The following AGAP2 variants were observed in gnomAD, a reference collection of about 807,000 sequenced individuals.
AGAP2 encodes arf-GAP with GTPase, ANK repeat and PH domain-containing protein 2.
A neutral mutation model predicts 110.9 loss-of-function variants in AGAP2; 32 were observed. The observed-to-expected ratio is 0.29, with a 90% confidence interval of 0.22 to 0.39. AGAP2 has a LOEUF of 0.39. AGAP2 is among the 10% of genes least tolerant of loss of function. The pLI is 1.00. For missense variants in AGAP2, 1,285 were observed against 1,638.5 expected, an observed-to-expected ratio of 0.78 and a Z score of 3.72; for synonymous variants, 702 against 713.0, an observed-to-expected ratio of 0.98 and a Z score of 0.25.
At chr12:57,741,980 T>C, upstream of AGAP2, 1 of 1,614,170 alleles carries the variant, frequency 6.2e-7, no homozygotes. Flanking sequence ...CTCTGCCAGC[T>C]TCCTGAGGCG....
chr12:57,729,441 G>C (rs955191337), intron 13 of AGAP2, among the ~76,000 whole-genome samples, 198 bp downstream of exon 13: 3 of 151,774 alleles, frequency 2.0e-5, no homozygotes, highest in Non-Finnish European at 4.4e-5. Context: ...CTGGGGAAAG[G>C]AATTAGCTGG....
intron 1 of AGAP2, among the ~76,000 whole-genome samples, chr12:57,735,941 C>T (rs1482531461): frequency 2.0e-5 from 3 of 152,144 alleles, no homozygotes; most frequent in African/African-American, 4.8e-5. Flanking sequence ...TAGCCCTGGA[C>T]CCCTCCCCAC....
chr12:57,732,764 A>C (rs1954910530), intron 6 of AGAP2, 81 bp downstream of exon 6: 2 of 1,580,158 alleles, frequency 1.3e-6, no homozygotes, highest in Non-Finnish European at 1.7e-6. Context: ...TCACAGAGAG[A>C]GGCCTGGATG....
upstream of AGAP2, among the ~76,000 whole-genome samples, chr12:57,739,416 G>A (rs1189433576): frequency 1.3e-5 from 2 of 152,160 alleles, no homozygotes; most frequent in African/African-American, 2.4e-5. Flanking sequence ...CAAGACTTGA[G>A]CTCGACTGTC....
chr12:57,741,768 T>C (rs1014065479), upstream of AGAP2: 13 of 952,898 alleles, frequency 1.4e-5, no homozygotes, highest in Non-Finnish European at 2.1e-5. Context: ...TCTTTTTCCA[T>C]CCTCCCTAAA....
upstream of AGAP2, among the ~76,000 whole-genome samples, chr12:57,741,613 G>A (rs138534554): frequency 3.6e-4 from 55 of 152,272 alleles, no homozygotes; most frequent in South Asian, 3.5e-3. Context: ...CAGGGAACAA[G>A]TCTACCATGA....
intron 12 of AGAP2, among the ~76,000 whole-genome samples, chr12:57,730,150 GCTGA>G (rs903247733): frequency 4.0e-5 from 6 of 151,890 alleles, no homozygotes; most frequent in Admixed American, 6.6e-5. Context: ...GTCAAACATG[GCTGA>G]CTATGTACTA....
chr12:57,737,268 C>T lies in AGAP2; in HGVS notation c.979G>A (p.Gly327Arg). ...PPITLEPPAP[G>R]LKRGREGGRA... ...CCCCCCTCCCGGCCCCGTTTCAGCC[C>T]CGGAGCTGGAGGCTCCAGAGTGATT... Residue 327 changes from glycine to arginine, a missense_variant, in exon 1 of 19, where the codon GGG becomes AGG. Physicochemically the swap from Gly to Arg is moderately radical, Grantham distance 125. Transcript: ENST00000547588. The surrounding 1 kb of genome is among the most constrained non-coding windows in gnomAD (Gnocchi z 5.9). 1 of 1,613,284 alleles carries T rather than the reference C, an allele frequency of 6.2e-7. No homozygotes were observed. Among genetic ancestry groups the T allele is most frequent in the Non-Finnish European group, 8.5e-7 (1 of 1,179,752 alleles).
chr12:57,741,859 A>G (rs1171285846), upstream of AGAP2: 14 of 1,587,048 alleles, frequency 8.8e-6, no homozygotes, highest in Admixed American at 2.1e-4. Context: ...TAAACCTTCT[A>G]TGCACCTGCT....
intron 2 of AGAP2, among the ~76,000 whole-genome samples, chr12:57,735,004 G>GTC (rs941035373): frequency 6.6e-6 from 1 of 151,498 alleles, no homozygotes. Context: ...GTGTGTGTGT[G>GTC]TCTCTGTGTG....
Position 57,727,368 on chromosome 12 carries a change from G to C in AGAP2, c.3072C>G (p.Asp1024Glu). ...TGTTCCCTCACGCTTACCGCGAAGA[G>C]TCCCGCGAGGGCTTGGCACGGCCTC... ...DTRGRAKPSR[D>E]SSREERESWI... Residue 1024 changes from aspartate to glutamate, a missense_variant, in exon 17 of 19, where the codon GAC (aspartate) becomes GAG (glutamate). Asp to Glu is a conservative substitution (Grantham distance 45). This residue lies in a region of AGAP2 where 201 missense variants were observed against 276.1 expected (regional missense o/e 0.73). Coordinates refer to ENST00000547588, the MANE Select transcript of AGAP2 (RefSeq NM_001122772.3). 2.5e-6 allele frequency: 4 copies of C among 1,610,516 alleles called. No homozygotes were observed. Among genetic ancestry groups the C allele is most frequent in the Non-Finnish European group, 3.4e-6 (4 of 1,178,766 alleles).
In AGAP2 at chr12:57,727,780, AG is replaced by A. The variant is rs1452507589; in HGVS notation, c.2767-10del. On this transcript the variant is annotated splice_polypyrimidine_tract_variant and intron_variant, in intron 15 of 18. Transcript: ENST00000547588. ...TGGCTGTCTGTGCGCAGCTGCAGAG[AG>A]GGTTTGGGTTGGCACTGACTCTGCC... The A allele has an allele frequency of 6.3e-7, 1 of 1,575,220 alleles. No individual in the cohort carries two copies. Among genetic ancestry groups the A allele is most frequent in the South Asian group, 1.2e-5 (1 of 83,948 alleles).
chr12:57,730,746 CAG>C, intron 11 of AGAP2, 43 bp downstream of exon 11: 5 of 1,611,322 alleles, frequency 3.1e-6, no homozygotes, highest in Non-Finnish European at 4.2e-6. Flanking sequence ...TCTTTTTCCC[CAG>C]CCCTGGCCCC....
rs1478464066 is a variant in AGAP2 at position 57,731,602 on chromosome 12, C to A, written c.1994G>T (p.Ser665Ile). 1 of 1,614,032 alleles carries A rather than the reference C, an allele frequency of 6.2e-7. No individual in the cohort carries two copies. The highest frequency in any genetic ancestry group is 8.5e-7 in the Non-Finnish European group (1 of 1,180,056). The change falls in exon 9 of 19, where the codon AGT (serine) becomes ATT (isoleucine). Residue 665 changes from serine (S) to isoleucine (I), a missense_variant. By Grantham distance (142) the Ser-to-Ile change is moderately radical (BLOSUM62 -2). Around this residue, in one of 7 missense-constraint regions of AGAP2, gnomAD observed 844 missense variants for 941.2 expected, o/e 0.90. Transcript: ENST00000547588. ...GSDSEKRSLDSRGETTGSGRA... is the reference protein window; with the variant it reads ...GSDSEKRSLDIRGETTGSGRA... ...CCCACTCCCTGTTGTCTCTCCCCGA[C>A]TATCCAAGCTTCGTTTCTCGGAGTC...
chr12:57,726,425 G>T lies in AGAP2; in HGVS notation c.*127C>A. The T allele has an allele frequency of 1.0e-6, 1 of 967,128 alleles. No individual in the cohort carries two copies. The highest frequency in any genetic ancestry group is 1.3e-6 in the Non-Finnish European group (1 of 774,964). 59.9% of individuals were successfully genotyped at this position (967,128 alleles called of 1,614,324 possible). A position where few individuals can be genotyped will look rare whatever the true frequency, so the allele number is the denominator to read the frequency against. On this transcript the variant is annotated 3_prime_UTR_variant, in exon 19 of 19. Transcript: ENST00000547588. This position sits in a 1 kb window ranked among gnomAD's most constrained non-coding sequence, Gnocchi z 5.7. The stretch of plus-strand genomic sequence containing the variant: ...GGCGTGGGGGCTGTGCCCTCGTGGG[G>T]GTAGGAAGTGCTCCCGTGGGGCGGG...
rs1322189643 is a variant in AGAP2 at position 57,726,925 on chromosome 12, T to C, written c.3336+49A>G. 8 of 1,500,222 alleles carry C rather than the reference T, an allele frequency of 5.3e-6. No individual in the cohort carries two copies. Among genetic ancestry groups the C allele is most frequent in the Non-Finnish European group, 7.1e-6 (8 of 1,130,210 alleles). The allele number at this position is 1,500,222 out of a possible 1,614,324, so 92.9% of individuals were successfully genotyped here. A position where few individuals can be genotyped will look rare whatever the true frequency, so the allele number is the denominator to read the frequency against. On this transcript the variant is annotated intron_variant, in intron 18 of 18. Coordinates refer to ENST00000547588, the MANE Select transcript of AGAP2 (RefSeq NM_001122772.3). This position sits in a 1 kb window ranked among gnomAD's most constrained non-coding sequence, Gnocchi z 5.7. ...TCGGGCTTTCCCGCGCCAGGCGTTT[T>C]CCGAGATGAAGCCTCAAAGACCCCC...
At position 57,737,592 on chromosome 12, in the gene AGAP2, G is replaced by A. The variant is rs755312661; in HGVS notation, c.655C>T (p.Pro219Ser). Residue 219 changes from proline to serine, a missense_variant, in exon 1 of 19, where the codon CCC becomes TCC. This residue lies in a region of AGAP2 where 844 missense variants were observed against 941.2 expected (regional missense o/e 0.90). Transcript: ENST00000547588. The surrounding 1 kb of genome is among the most constrained non-coding windows in gnomAD (Gnocchi z 5.9). ...RLSWPESEGK[P>S]RVKGSKSSAG... ...CTGCTCTTTGACCCCTTGACCCTGG[G>A]CTTGCCCTCGCTTTCGGGCCATGAC... 5.6e-5 allele frequency: 87 copies of A among 1,547,922 alleles called. No homozygotes were observed. The highest frequency in any genetic ancestry group is 7.1e-5 in the Non-Finnish European group (82 of 1,146,854).
intron 2 of AGAP2, among the ~76,000 whole-genome samples, chr12:57,735,047 C>T (rs1165263399): frequency 6.6e-6 from 1 of 151,298 alleles, no homozygotes; most frequent in Non-Finnish European, 1.5e-5. Context: ...GCTCTAGGCA[C>T]TAGTTGGAAA....
chr12:57,725,814 C>T lies in AGAP2; in HGVS notation c.*738G>A, dbSNP rs975797053. On this transcript the variant is annotated 3_prime_UTR_variant, in exon 19 of 19. Transcript: ENST00000547588. ...CAATAAATTACAAGGCCCCCGCAGC[C>T]CTCTTAGCCCGCTCCTGCTCCATCC... 1 of 151,612 alleles carries T rather than the reference C, an allele frequency of 6.6e-6. No homozygotes were observed. The highest frequency in any genetic ancestry group is 1.5e-5 in the Non-Finnish European group (1 of 67,870). 9.4% of individuals were successfully genotyped at this position (151,612 alleles called of 1,614,324 possible). A position where few individuals can be genotyped will look rare whatever the true frequency, so the allele number is the denominator to read the frequency against.
Sources: allele counts gnomAD v4.1 joint callset (sites outside exome capture counted in the v4.1 genomes callset), GRCh38; gene constraint gnomAD v4.1.1; regional missense constraint gnomAD v4.1.1; non-coding constraint Gnocchi (gnomAD v3.1); transcripts MANE v1.5; gene names NCBI Gene and HGNC (gene_info 2026-07-23, HGNC 2026-07-21).